The following RSRC1 variants were observed in gnomAD, a reference collection of about 807,000 sequenced individuals.
RSRC1 encodes the protein serine/Arginine-related protein 53.
Under a neutral mutation model 49.1 loss-of-function variants are expected in RSRC1, and 39 were observed. The observed-to-expected ratio is 0.79, with a 90% CI of 0.61 to 1.04. The LOEUF (loss-of-function observed/expected upper bound fraction) is 1.04, where lower values mean the gene tolerates loss of function less well. Ranked by LOEUF, RSRC1 falls within the 50% of genes least tolerant of loss-of-function variation. The pLI is 0.00. For missense variants in RSRC1, 388 were observed against 402.4 expected, an observed-to-expected ratio of 0.96 and a Z score of 0.31; for synonymous variants, 143 against 130.8, an observed-to-expected ratio of 1.09 and a Z score of -0.63.
intron 7 of RSRC1, among the ~76,000 whole-genome samples, chr3:158,527,605 C>T (rs1712120410): frequency 6.6e-6 from 1 of 151,898 alleles, no homozygotes; most frequent in African/African-American, 2.4e-5. Context: ...TATAAAAACA[C>T]ACCTTTAGAT....
chr3:158,342,518 A>T lies in RSRC1; in HGVS notation c.532-12339A>T, dbSNP rs191966304. On this transcript the variant is annotated intron_variant, in intron 5 of 9. Coordinates refer to ENST00000611884, the MANE Select transcript of RSRC1 (RefSeq NM_001271838.2). Reference sequence around the variant, plus strand: ...CCATGATTCTGAGGCCTCCCCAGCCATGTGGAACCATAAATCCAATTAAAC... The same window carrying T: ...CCATGATTCTGAGGCCTCCCCAGCCTTGTGGAACCATAAATCCAATTAAAC... 7.9e-5 allele frequency among the ~76,000 whole-genome samples: 12 copies of T among 152,358 alleles called. No homozygotes were observed. In the East Asian group the frequency reaches 2.3e-3, roughly 29 times the overall value.
intron 7 of RSRC1, among the ~76,000 whole-genome samples, chr3:158,466,203 G>A (rs765053341): frequency 1.1e-4 from 16 of 151,718 alleles, no homozygotes; most frequent in South Asian, 2.1e-4. Context: ...CCTTATTTTC[G>A]TAATAGCTAA....
At chr3:158,253,144 T>G (rs149797269) in intron 4 of RSRC1, among the ~76,000 whole-genome samples, 19 of 152,066 alleles carry the variant, frequency 1.2e-4, no homozygotes, top group Non-Finnish European at 2.1e-4. Context: ...TATTTTCTTT[T>G]GCTTTATGAT....
chr3:158,443,315 T>A (rs2108377176), intron 6 of RSRC1, among the ~76,000 whole-genome samples: 1 of 152,304 alleles, frequency 6.6e-6, no homozygotes, highest in South Asian at 2.1e-4. Flanking sequence ...TGAAAATCTG[T>A]CATTTAGCGT....
At chr3:158,520,558 G>A (rs1711599005) in intron 7 of RSRC1, among the ~76,000 whole-genome samples, 1 of 152,042 alleles carries the variant, frequency 6.6e-6, no homozygotes, top group South Asian at 2.1e-4. Flanking sequence ...TGATGTGTTG[G>A]ACAGTAATTG....
chr3:158,367,725 C>T (rs1050237338), intron 6 of RSRC1, among the ~76,000 whole-genome samples: 4 of 151,948 alleles, frequency 2.6e-5, no homozygotes, highest in African/African-American at 9.7e-5. Flanking sequence ...ATGAATAAAG[C>T]CTTAAATAGT....
At chr3:158,290,384 T>G (rs1726859592) in intron 4 of RSRC1, among the ~76,000 whole-genome samples, 2 of 152,044 alleles carry the variant, frequency 1.3e-5, no homozygotes, top group Admixed American at 6.6e-5. Flanking sequence ...GCCATTCTCC[T>G]GCCTCAGCCT....
At chr3:158,276,300 T>C (rs1725809619) in intron 4 of RSRC1, 10 of 761,516 alleles carry the variant, frequency 1.3e-5, no homozygotes, top group Non-Finnish European at 1.9e-5. Flanking sequence ...CCAGATGGGG[T>C]GGGGAGCCCT....
intron 6 of RSRC1, among the ~76,000 whole-genome samples, chr3:158,418,642 G>C (rs1226889527): frequency 6.6e-6 from 1 of 151,868 alleles, no homozygotes; most frequent in Non-Finnish European, 1.5e-5. Flanking sequence ...GGCCAAGAAG[G>C]GATATACCGG....
rs78494355 is a variant in RSRC1 at position 158,302,208 on chromosome 3, C to T, written c.531+4133C>T. On this transcript the variant is annotated intron_variant, in intron 5 of 9. Transcript: ENST00000611884. Reference sequence around the variant, plus strand: ...GGCAGAAGATATGAGATTCCTGGGTCAGAGGCAAAGTGGTTTATAGCTAAC... The same window carrying T: ...GGCAGAAGATATGAGATTCCTGGGTTAGAGGCAAAGTGGTTTATAGCTAAC... 5.7e-3 allele frequency among the ~76,000 whole-genome samples: 872 copies of T among 152,108 alleles called. 4 individuals carry two copies. The highest frequency in any genetic ancestry group is 0.02 in the African/African-American group (839 of 41,490).
intron 6 of RSRC1, among the ~76,000 whole-genome samples, chr3:158,392,369 T>C (rs1733358709): frequency 6.6e-6 from 1 of 152,094 alleles, no homozygotes; most frequent in Non-Finnish European, 1.5e-5. Flanking sequence ...GAAATACTAT[T>C]AAACTTATTA....
At chr3:158,357,619 G>T (rs1731227792) in intron 6 of RSRC1, among the ~76,000 whole-genome samples, 1 of 151,990 alleles carries the variant, frequency 6.6e-6, no homozygotes, top group South Asian at 2.1e-4. Context: ...TTTTGGTGAT[G>T]AATTTTAAGG....
intron 4 of RSRC1, among the ~76,000 whole-genome samples, chr3:158,235,767 T>G (rs1261790018): frequency 6.6e-6 from 1 of 152,200 alleles, no homozygotes; most frequent in Non-Finnish European, 1.5e-5. Flanking sequence ...GTTTTTCAGT[T>G]TATAAACAAG....
chr3:158,518,152 T>A (rs1281444354), intron 7 of RSRC1, among the ~76,000 whole-genome samples: 127 of 121,642 alleles, frequency 1.0e-3, no homozygotes, highest in African/African-American at 3.2e-3. Flanking sequence ...ATATATATTT[T>A]TTTTTTTTTT....
chr3:158,169,462 C>T (rs1040680581), intron 3 of RSRC1, among the ~76,000 whole-genome samples: 1 of 152,154 alleles, frequency 6.6e-6, no homozygotes, highest in African/African-American at 2.4e-5. Context: ...GCTATATCTC[C>T]TAGCCTGTTG....
chr3:158,266,952 C>T (rs1031141113), intron 4 of RSRC1, among the ~76,000 whole-genome samples: 1 of 152,048 alleles, frequency 6.6e-6, no homozygotes. Context: ...TTTGTAGAGA[C>T]ACTGTTTCGC....
chr3:158,515,319 G>T (rs1001843164), intron 7 of RSRC1, among the ~76,000 whole-genome samples: 1 of 146,790 alleles, frequency 6.8e-6, no homozygotes, highest in African/African-American at 2.6e-5. Context: ...CTCAGCATTT[G>T]CTTGTCTGTA....
chr3:158,417,351 G>A (rs1734797245), intron 6 of RSRC1, among the ~76,000 whole-genome samples: 1 of 151,968 alleles, frequency 6.6e-6, no homozygotes, highest in East Asian at 1.9e-4. Flanking sequence ...TTTTATTTAT[G>A]TTAGAGAAAT....
At chr3:158,257,262 G>C (rs1724619452) in intron 4 of RSRC1, among the ~76,000 whole-genome samples, 1 of 151,974 alleles carries the variant, frequency 6.6e-6, no homozygotes, top group Non-Finnish European at 1.5e-5. Context: ...CAGAGGTTCT[G>C]GTACACTGGT....
Sources: allele counts gnomAD v4.1 joint callset (sites outside exome capture counted in the v4.1 genomes callset), GRCh38; gene constraint gnomAD v4.1.1; transcripts MANE v1.5; gene names NCBI Gene and HGNC (gene_info 2026-07-23, HGNC 2026-07-21).